The following CTNNA2 variants were observed in gnomAD, a reference collection of about 807,000 sequenced individuals.
CTNNA2 encodes catenin alpha 2.
Under a neutral mutation model 101.0 loss-of-function variants are expected in CTNNA2, and 42 were observed. The observed-to-expected ratio is 0.42, with a 90% CI of 0.32 to 0.54. The LOEUF is 0.54. Ranked by LOEUF, CTNNA2 falls within the 20% of genes least tolerant of loss-of-function variation. The pLI is 0.14. For synonymous variants in CTNNA2, 450 were observed against 456.4 expected (o/e 0.99, Z 0.18); for missense variants, 871 against 1,223.1 (o/e 0.71, Z 4.29).
intron 18 of CTNNA2, among the ~76,000 whole-genome samples, chr2:80,646,291 C>G (rs1279576760): frequency 6.6e-6 from 1 of 152,124 alleles, no homozygotes; most frequent in Admixed American, 6.6e-5. Flanking sequence ...CAACTAGGAA[C>G]AGCATACTTA....
intron 4 of CTNNA2, among the ~76,000 whole-genome samples, chr2:79,445,905 A>C (rs1678828273): frequency 6.6e-6 from 1 of 152,158 alleles, no homozygotes; most frequent in Admixed American, 6.6e-5. Flanking sequence ...CATCCAGAGA[A>C]TGCTAGCTTT....
chr2:79,898,755 G>T (rs568951865), intron 6 of CTNNA2, among the ~76,000 whole-genome samples: 72 of 152,166 alleles, frequency 4.7e-4, no homozygotes, highest in African/African-American at 1.4e-3. Context: ...GATATTTGAG[G>T]TGATGGCAGA....
At chr2:79,999,415 A>G (rs977539704) in intron 7 of CTNNA2, among the ~76,000 whole-genome samples, 8 of 152,174 alleles carry the variant, frequency 5.3e-5, no homozygotes, top group African/African-American at 7.2e-5. Flanking sequence ...CACTGCCCAC[A>G]GTGGCAGGTG....
chr2:79,517,164 C>T (rs969892619), intron 1 of CTNNA2, among the ~76,000 whole-genome samples: 2 of 152,044 alleles, frequency 1.3e-5, no homozygotes, highest in African/African-American at 4.8e-5. Flanking sequence ...TGTTGGCATA[C>T]CTTTGTTTTT....
intron 11 of CTNNA2, 81 bp downstream of exon 11, chr2:80,546,144 T>C (rs1692040737): frequency 3.3e-6 from 5 of 1,530,234 alleles, no homozygotes; most frequent in East Asian, 4.6e-5. Flanking sequence ...GCAAATGTCA[T>C]GGATCTGTGT....
intron 2 of CTNNA2, among the ~76,000 whole-genome samples, chr2:79,661,632 T>G (rs1301373966): frequency 1.3e-5 from 2 of 152,186 alleles, no homozygotes; most frequent in African/African-American, 4.8e-5. Flanking sequence ...TTTTCAAAAC[T>G]ACTTTGATTA....
chr2:79,668,189 G>A lies in CTNNA2; in HGVS notation c.102+16531G>A, dbSNP rs191664863. ...CAGGAAGTGGAGCTTGCAGTGAGCC[G>A]AGATTGCGCCACTGCAGTCCGCAGT... On this transcript the variant is annotated intron_variant, in intron 2 of 18. Transcript: ENST00000402739. 4.6e-3 allele frequency among the ~76,000 whole-genome samples: 651 copies of A among 141,094 alleles called. 4 individuals carry two copies. Among genetic ancestry groups the A allele is most frequent in the African/African-American group, 0.015 (592 of 38,640 alleles). 92.6% of individuals were successfully genotyped at this position (141,094 alleles called of 152,430 possible). A position where few individuals can be genotyped will look rare whatever the true frequency, so the allele number is the denominator to read the frequency against.
intron 1 of CTNNA2, chr2:79,547,427 A>T (rs1190486779): frequency 6.6e-6 from 1 of 152,592 alleles, no homozygotes; most frequent in East Asian, 1.9e-4. Context: ...TTTTTGACAC[A>T]CAATAAGGTC....
intron 7 of CTNNA2, among the ~76,000 whole-genome samples, chr2:79,915,352 A>G (rs1351826318): frequency 9.6e-6 from 1 of 104,660 alleles, no homozygotes; most frequent in Non-Finnish European, 2.0e-5. Context: ...CTTATTTTTT[A>G]TAAAATGGAC....
At chr2:79,630,281 A>G (rs967248781) in intron 1 of CTNNA2, among the ~76,000 whole-genome samples, 20 of 152,206 alleles carry the variant, frequency 1.3e-4, no homozygotes, top group African/African-American at 4.8e-4. Flanking sequence ...TTTCCTAACT[A>G]TGAGTAACAG....
intron 2 of CTNNA2, among the ~76,000 whole-genome samples, chr2:79,695,046 A>T (rs1370779280): frequency 2.7e-5 from 4 of 147,894 alleles, no homozygotes; most frequent in African/African-American, 1.0e-4. Flanking sequence ...TTGGGGTATT[A>T]TGTGAAAAGA....
intron 2 of CTNNA2, among the ~76,000 whole-genome samples, chr2:79,703,774 CTT>C (rs1238032568): frequency 1.3e-5 from 2 of 152,148 alleles, no homozygotes; most frequent in East Asian, 3.9e-4. Context: ...ATTAAAATCT[CTT>C]ATTCTGGTAA....
In CTNNA2 at chr2:79,721,434, A is replaced by G. The variant is rs1389680842; in HGVS notation, c.103-22953A>G. On this transcript the variant is annotated intron_variant, in intron 2 of 18. Coordinates refer to ENST00000402739, the MANE Select transcript of CTNNA2 (RefSeq NM_001282597.3). ...CAGTCCTAAAATGGGGGCTCCATCC[A>G]GATTACCTTATCTAATCCTAATTAC... Among the ~76,000 whole-genome samples the G allele has an allele frequency of 2.0e-5, 3 of 152,168 alleles. No individual in the cohort carries two copies. In the East Asian group the frequency reaches 5.8e-4, roughly 29 times the overall value.
rs144677020 is a variant in CTNNA2, at chr2:80,489,205, C to A, written c.1291-55777C>A. On this transcript the variant is annotated intron_variant, in intron 9 of 18. Coordinates refer to ENST00000402739, the MANE Select transcript of CTNNA2 (RefSeq NM_001282597.3). ...CTGCAGGTCTTTTTCATACATTTCC[C>A]GTAGAAATCTTTTAAATCATGTTCA... Among the ~76,000 whole-genome samples the A allele has an allele frequency of 1.8e-3, 281 of 152,208 alleles. 4 individuals are homozygous for A. The highest frequency in any genetic ancestry group is 6.4e-3 in the African/African-American group (265 of 41,532).
intron 3 of CTNNA2, among the ~76,000 whole-genome samples, chr2:79,752,290 C>A (rs1291791436): frequency 2.0e-5 from 3 of 152,070 alleles, no homozygotes; most frequent in Admixed American, 2.0e-4. Context: ...ACAAAGAATC[C>A]TAAAATCCAA....
chr2:79,460,929 C>T (rs1670871034), intron 4 of CTNNA2, among the ~76,000 whole-genome samples: 1 of 152,122 alleles, frequency 6.6e-6, no homozygotes, highest in Non-Finnish European at 1.5e-5. Context: ...GCAACATCTG[C>T]CTCCAGGGTT....
intron 4 of CTNNA2, among the ~76,000 whole-genome samples, chr2:79,434,844 G>A (rs1203585754): frequency 6.6e-6 from 1 of 152,158 alleles, no homozygotes; most frequent in Non-Finnish European, 1.5e-5. Flanking sequence ...AAGGAGAGCT[G>A]TCTGAATCTA....
At chr2:79,508,510 T>C (rs1037617528), upstream of CTNNA2, among the ~76,000 whole-genome samples, 11 of 152,178 alleles carry the variant, frequency 7.2e-5, no homozygotes, top group Admixed American at 5.9e-4. Flanking sequence ...TATTAAAGCT[T>C]ATTCTTTCTT....
rs566147959 is a variant in CTNNA2, at chr2:80,343,774, A to C, written c.1057-49437A>C. Among the ~76,000 whole-genome samples, 7 of 152,314 alleles carry C rather than the reference A, an allele frequency of 4.6e-5. No homozygotes were observed. In the East Asian group the frequency reaches 5.8e-4, roughly 13 times the overall value. On this transcript the variant is annotated intron_variant, in intron 7 of 18. Transcript: ENST00000402739. ...TCTCTCGCAATTGGTACTTTGGCTA[A>C]AAATAAACCAGTCAAAAATAGAAAG... is the stretch of plus-strand genomic sequence containing the variant.
Sources: allele counts gnomAD v4.1 joint callset (sites outside exome capture counted in the v4.1 genomes callset), GRCh38; gene constraint gnomAD v4.1.1; transcripts MANE v1.5; gene names NCBI Gene and HGNC (gene_info 2026-07-23, HGNC 2026-07-21).